Variants in SYNPO2 observed in about 807,000 individuals in gnomAD.
The protein encoded by SYNPO2 is synaptopodin-2.
SYNPO2 carries 56 observed loss-of-function variants against 85.0 expected under a neutral mutation model. The ratio of observed to expected loss-of-function variants is 0.66; its 90% CI spans 0.53 to 0.82. The LOEUF is 0.82. Ranked by LOEUF, SYNPO2 falls within the 40% of genes least tolerant of loss-of-function variation. SYNPO2 has a pLI of 0.00. For missense variants in SYNPO2, 1,575 were observed against 1,534.2 expected (o/e 1.03, Z -0.44); for synonymous variants, 602 against 591.1 (o/e 1.02, Z -0.27).
intron 1 of SYNPO2, among the ~76,000 whole-genome samples, chr4:118,932,236 C>A (rs1236122715): frequency 6.6e-6 from 1 of 152,080 alleles, no homozygotes; most frequent in South Asian, 2.1e-4. Context: ...AGAGCATTTT[C>A]TTTGGCCTAC....
chr4:118,949,250 G>A (rs79098476), intron 1 of SYNPO2, among the ~76,000 whole-genome samples: 4,914 of 152,226 alleles, frequency 0.032, 142 homozygotes, highest in East Asian at 0.14. Flanking sequence ...GCATTTCATG[G>A]TGGGGTGGTG....
At chr4:118,950,807 G>C (rs1358711809) in intron 1 of SYNPO2, among the ~76,000 whole-genome samples, 2 of 152,134 alleles carry the variant, frequency 1.3e-5, no homozygotes, top group African/African-American at 4.8e-5. Context: ...TTAAAACAGG[G>C]TTTTATAGTT....
intron 1 of SYNPO2, among the ~76,000 whole-genome samples, chr4:118,937,160 A>G (rs901538661): frequency 6.6e-6 from 1 of 152,192 alleles, no homozygotes; most frequent in African/African-American, 2.4e-5. Context: ...TTTTCACTGC[A>G]CTTAGGATGA....
chr4:118,974,038 G>A (rs1231712421), intron 1 of SYNPO2, among the ~76,000 whole-genome samples: 1 of 152,100 alleles, frequency 6.6e-6, no homozygotes, highest in Non-Finnish European at 1.5e-5. Flanking sequence ...TGCTTATCTT[G>A]GTCATATGAT....
At chr4:118,958,081 T>C (rs1734941217) in intron 1 of SYNPO2, among the ~76,000 whole-genome samples, 1 of 152,204 alleles carries the variant, frequency 6.6e-6, no homozygotes, top group Non-Finnish European at 1.5e-5. Context: ...TTTCTTAGCC[T>C]CAGCAATGTC....
intron 1 of SYNPO2, among the ~76,000 whole-genome samples, chr4:118,879,983 C>T (rs78826392): frequency 5.3e-4 from 81 of 152,238 alleles, no homozygotes; most frequent in Admixed American, 1.6e-3. Context: ...GACAGAATCC[C>T]TCCTTATTTC....
Position 119,057,706 on chromosome 4 carries a change from C to T in SYNPO2, c.3558C>T (p.Thr1186=). 5 of 1,614,138 alleles carry T rather than the reference C, an allele frequency of 3.1e-6. No homozygotes were observed. The South Asian group carries it at 4.4e-5, about 14-fold the overall frequency. Residue 1186 remains threonine, a synonymous_variant, in exon 5 of 5, where the codon ACC becomes ACT. Transcript: ENST00000307142. ...WNERLSYIPQ[T]QKAYMGSCGR... is the part of the protein sequence containing the mutation. ...AAAGACTGTCCTATATTCCTCAAACCCAGAAGGCCTATATGGGCTCATGTG... is the reference window on the plus strand; with the variant it reads ...AAAGACTGTCCTATATTCCTCAAACTCAGAAGGCCTATATGGGCTCATGTG...
At chr4:119,046,806 A>T (rs1199755123) in intron 4 of SYNPO2, among the ~76,000 whole-genome samples, 1 of 152,206 alleles carries the variant, frequency 6.6e-6, no homozygotes, top group African/African-American at 2.4e-5. Context: ...CCAAGTTTCC[A>T]TTCCTTCCAA....
chr4:118,989,916 A>C (rs1416577368), intron 1 of SYNPO2, among the ~76,000 whole-genome samples: 1 of 152,208 alleles, frequency 6.6e-6, no homozygotes, highest in Non-Finnish European at 1.5e-5. Flanking sequence ...GATCCACTTC[A>C]CTCATTCATG....
chr4:118,862,171 G>C (rs1179480613), intron 1 of SYNPO2, among the ~76,000 whole-genome samples: 1 of 151,982 alleles, frequency 6.6e-6, no homozygotes, highest in African/African-American at 2.4e-5. Flanking sequence ...ACTGATATTT[G>C]TATGTTGATT....
intron 1 of SYNPO2, among the ~76,000 whole-genome samples, chr4:118,882,472 A>G (rs986413597): frequency 6.6e-6 from 1 of 152,258 alleles, no homozygotes; most frequent in African/African-American, 2.4e-5. Context: ...ACTATAGTCA[A>G]TAGACATTGA....
At chr4:118,969,175 A>G (rs1432000901) in intron 1 of SYNPO2, among the ~76,000 whole-genome samples, 1 of 152,182 alleles carries the variant, frequency 6.6e-6, no homozygotes, top group Non-Finnish European at 1.5e-5. Flanking sequence ...CCACTGTTTT[A>G]TGATATCCTA....
At chr4:118,974,915 A>G (rs1178577434) in intron 1 of SYNPO2, among the ~76,000 whole-genome samples, 1 of 152,114 alleles carries the variant, frequency 6.6e-6, no homozygotes, top group Non-Finnish European at 1.5e-5. Context: ...CTCTATCTTC[A>G]GTCATCTCCT....
intron 1 of SYNPO2, among the ~76,000 whole-genome samples, chr4:118,909,651 G>A (rs1461530415): frequency 6.6e-6 from 1 of 152,202 alleles, no homozygotes; most frequent in Non-Finnish European, 1.5e-5. Context: ...GCCCACGCTT[G>A]GGAAGGCTGG....
intron 4 of SYNPO2, among the ~76,000 whole-genome samples, chr4:119,040,306 T>C (rs1032807586): frequency 3.3e-5 from 5 of 152,210 alleles, no homozygotes; most frequent in South Asian, 2.1e-4. Flanking sequence ...ATAGGAAAAG[T>C]AGAAGGAGTG....
chr4:118,990,599 A>C (rs1002599725), intron 1 of SYNPO2, among the ~76,000 whole-genome samples: 1 of 150,600 alleles, frequency 6.6e-6, no homozygotes, highest in Admixed American at 6.6e-5. Flanking sequence ...AAGCTGGATA[A>C]TTGGTTTTTG....
At chr4:118,994,166 C>T (rs115390908) in intron 1 of SYNPO2, among the ~76,000 whole-genome samples, 3,043 of 152,348 alleles carry the variant, frequency 0.02, 90 homozygotes, top group African/African-American at 0.069. Flanking sequence ...CTGTGCTCCG[C>T]TGGTGATGCT....
At chr4:118,894,642 A>C (rs1372924271) in intron 1 of SYNPO2, among the ~76,000 whole-genome samples, 1 of 152,080 alleles carries the variant, frequency 6.6e-6, no homozygotes, top group East Asian at 1.9e-4. Context: ...AAGAAGAGAG[A>C]GAGAGATAAT....
At chr4:118,876,124 A>G (rs915809286) in intron 1 of SYNPO2, among the ~76,000 whole-genome samples, 1 of 152,208 alleles carries the variant, frequency 6.6e-6, no homozygotes, top group Non-Finnish European at 1.5e-5. Context: ...GGTCCTTCAG[A>G]TTCTTGAAGG....
Sources: gnomAD v4.1 joint callset for allele counts (sites outside exome capture counted in the v4.1 genomes callset) on GRCh38, gnomAD v4.1.1 for gene constraint, MANE v1.5 for transcripts, NCBI Gene and HGNC (gene_info 2026-07-23, HGNC 2026-07-21) for gene names.